The following TMIGD1 variants were observed in gnomAD, a reference collection of about 807,000 sequenced individuals.
TMIGD1 encodes the protein transmembrane and immunoglobulin domain containing 1, also known as transmembrane and immunoglobulin domain-containing protein 1.
TMIGD1 carries 29 observed loss-of-function variants against 27.5 expected under a neutral mutation model. The observed-to-expected ratio is 1.05, with a 90% CI of 0.78 to 1.44. TMIGD1 has a LOEUF of 1.44. Among genes scored for constraint, TMIGD1 ranks in the 40% most tolerant of loss-of-function variants. TMIGD1 has a pLI of 0.00. For synonymous variants in TMIGD1, 109 were observed against 110.3 expected, an observed-to-expected ratio of 0.99 and a Z score of 0.07; for missense variants, 334 against 310.6, an observed-to-expected ratio of 1.08 and a Z score of -0.57.
In TMIGD1 at chr17:30,324,862, CTT is replaced by C; in HGVS notation, c.592_593del (p.Lys198ValfsTer15). 4 of 1,614,194 alleles carry C rather than the reference CTT, an allele frequency of 2.5e-6. 1 individual carries two copies. The Middle Eastern group carries it at 6.6e-4, about 266-fold the overall frequency. ...PDNGTYSCIA[K>X]SSLKTESLDF... ...CCAAGCTCTCCGTTTTCAGAGATGACTTTGCAATACAACTGTAGGTTCCGTTG... is the reference window on the plus strand; with the variant it reads ...CCAAGCTCTCCGTTTTCAGAGATGACTGCAATACAACTGTAGGTTCCGTTG... On this transcript the variant is annotated frameshift_variant, in exon 4 of 7. Coordinates refer to ENST00000328886, the MANE Select transcript of TMIGD1 (RefSeq NM_206832.3). LOFTEE classifies it high-confidence loss of function.
At chr17:30,329,626 G>A (rs1452878729) in intron 2 of TMIGD1, 97 bp from the exon 3 acceptor site, 1 of 946,862 alleles carries the variant, frequency 1.1e-6, no homozygotes, top group South Asian at 1.9e-5. Flanking sequence ...TACATCAGTA[G>A]AACAAAATAA....
At chr17:30,330,776 G>A (rs994509648) in intron 2 of TMIGD1, among the ~76,000 whole-genome samples, 3 of 151,870 alleles carry the variant, frequency 2.0e-5, no homozygotes, top group East Asian at 3.9e-4. Context: ...CCTGAATTTC[G>A]GTTTTTATTT....
At chr17:30,331,645 C>T (rs1410604696) in intron 2 of TMIGD1, among the ~76,000 whole-genome samples, 2 of 146,980 alleles carry the variant, frequency 1.4e-5, no homozygotes, top group Non-Finnish European at 3.0e-5. Flanking sequence ...AGTACAGTGA[C>T]GTAATCTCGG....
At chr17:30,322,200 T>A (rs966175319) in intron 4 of TMIGD1, among the ~76,000 whole-genome samples, 2 of 152,212 alleles carry the variant, frequency 1.3e-5, no homozygotes, top group African/African-American at 4.8e-5. Flanking sequence ...TTGCCCTCTC[T>A]TAGCTGTTTC....
intron 4 of TMIGD1, among the ~76,000 whole-genome samples, chr17:30,319,261 A>AAAAAAAAAAAAAAAAAAAAAAAATATAT: frequency 2.9e-5 from 2 of 69,046 alleles, no homozygotes; most frequent in African/African-American, 9.1e-5. Flanking sequence ...AAAAAAAAAA[A>AAAAAAAAAAAAAAAAAAAAAAAATATAT]ATATATATAT....
intron 3 of TMIGD1, among the ~76,000 whole-genome samples, 183 bp from the exon 4 acceptor site, chr17:30,325,277 C>T (rs1349549096): frequency 6.6e-6 from 1 of 152,120 alleles, no homozygotes; most frequent in Non-Finnish European, 1.5e-5. Flanking sequence ...TTCCAAATCT[C>T]ATAGAACTTT....
chr17:30,330,132 G>A (rs1348086081), intron 2 of TMIGD1, among the ~76,000 whole-genome samples: 1 of 152,084 alleles, frequency 6.6e-6, no homozygotes, highest in Non-Finnish European at 1.5e-5. Context: ...CATCTGATTA[G>A]TTGACATGAG....
intron 1 of TMIGD1, 104 bp downstream of exon 1, chr17:30,333,896 C>T (rs965845225): frequency 2.6e-5 from 4 of 151,902 alleles, no homozygotes; most frequent in Non-Finnish European, 4.4e-5. Flanking sequence ...TCTTTCCCTC[C>T]ACTCCACCGA....
rs778577580 is a variant in TMIGD1 at position 30,324,800 on chromosome 17, T to C, written c.640+16A>G. ...AGTTTTGCACTGTGCTGGGTATTAC[T>C]TAAAAAGAGCATTACCTTTAACAAT... On this transcript the variant is annotated intron_variant, in intron 4 of 6. Coordinates refer to ENST00000328886, the MANE Select transcript of TMIGD1 (RefSeq NM_206832.3). 1 of 1,612,344 alleles carries C rather than the reference T, an allele frequency of 6.2e-7. No individual in the cohort carries two copies. The highest frequency in any genetic ancestry group is 1.1e-5 in the South Asian group (1 of 91,068).
intron 5 of TMIGD1, among the ~76,000 whole-genome samples, chr17:30,318,017 G>A (rs1909475706): frequency 6.6e-6 from 1 of 151,976 alleles, no homozygotes; most frequent in Admixed American, 6.6e-5. Flanking sequence ...ACAGTGAGCT[G>A]TGATCAAGGC....
At chr17:30,332,200 C>A (rs1910003562) in intron 1 of TMIGD1, 42 bp from the exon 2 acceptor site, 2 of 1,259,152 alleles carry the variant, frequency 1.6e-6, no homozygotes, top group Non-Finnish European at 2.3e-6. Flanking sequence ...CTTTGGTCTG[C>A]AATGAGTTCG....
intron 3 of TMIGD1, among the ~76,000 whole-genome samples, chr17:30,327,045 T>TAC (rs60346282): frequency 0.19 from 28,539 of 146,448 alleles, 2,828 homozygotes; most frequent in East Asian, 0.42. Context: ...CAATTAACTA[T>TAC]ACACACACAC....
At chr17:30,332,821 A>G (rs567128520) in intron 1 of TMIGD1, among the ~76,000 whole-genome samples, 2 of 152,184 alleles carry the variant, frequency 1.3e-5, no homozygotes, top group African/African-American at 4.8e-5. Flanking sequence ...GGAAAAAAAC[A>G]TATATTCATT....
At chr17:30,328,773 T>C (rs996319435) in intron 3 of TMIGD1, among the ~76,000 whole-genome samples, 1 of 151,728 alleles carries the variant, frequency 6.6e-6, no homozygotes, top group African/African-American at 2.4e-5. Flanking sequence ...CTGGCCAACA[T>C]GGTGAACCCC....
Position 30,316,571 on chromosome 17 carries a change from T to A in TMIGD1, c.*116A>T. On this transcript the variant is annotated 3_prime_UTR_variant, in exon 7 of 7. Transcript: ENST00000328886. ...CTAACAACTACTGTTAAGTGATTAATGAAACAGGAGTGACAGGAGTGAATT... is the reference window on the plus strand; with the variant it reads ...CTAACAACTACTGTTAAGTGATTAAAGAAACAGGAGTGACAGGAGTGAATT... The A allele has an allele frequency of 9.7e-7, 1 of 1,035,048 alleles. No individual in the cohort carries two copies. Among genetic ancestry groups the A allele is most frequent in the Non-Finnish European group, 1.5e-6 (1 of 686,090 alleles). The allele number at this position is 1,035,048 out of a possible 1,614,324, so 64.1% of individuals were successfully genotyped here.
chr17:30,332,004 G>T, intron 2 of TMIGD1, 48 bp downstream of exon 2: 1 of 1,368,960 alleles, frequency 7.3e-7, no homozygotes, highest in Non-Finnish European at 1.0e-6. Context: ...TTTCTTAATC[G>T]GAAATTTTTC....
chr17:30,319,261 A>AAAAATATATATAT, intron 4 of TMIGD1, among the ~76,000 whole-genome samples: 3 of 69,068 alleles, frequency 4.3e-5, no homozygotes, highest in Admixed American at 2.9e-4. Context: ...AAAAAAAAAA[A>AAAAATATATATAT]ATATATATAT....
intron 2 of TMIGD1, 60 bp downstream of exon 2, chr17:30,331,992 C>T (rs3110095): frequency 0.47 from 582,221 of 1,229,112 alleles, 140,209 homozygotes; most frequent in African/African-American, 0.56. Context: ...CCATTGATCA[C>T]TTTTCTTAAT....
chr17:30,325,071 C>G lies in TMIGD1; in HGVS notation c.385G>C (p.Asp129His). ...VTFPPLLSGNDFQTVEEGSNV... is the reference protein window; with the variant it reads ...VTFPPLLSGNHFQTVEEGSNV... The stretch of plus-strand genomic sequence containing the variant: ...CTGCCTTCCTCAACTGTTTGGAAGT[C>G]GTTTCCACTTAGGAGAGGAGGAACT... Residue 129 changes from aspartate to histidine, a missense_variant, in exon 4 of 7, where the codon GAC becomes CAC. By Grantham distance (81) the Asp-to-His change is moderately conservative. Transcript: ENST00000328886. 1 of 1,613,292 alleles carries G rather than the reference C, an allele frequency of 6.2e-7. No homozygotes were observed. The highest frequency in any genetic ancestry group is 1.1e-5 in the South Asian group (1 of 90,940).
Sources: gnomAD v4.1 joint callset for allele counts (sites outside exome capture counted in the v4.1 genomes callset) on GRCh38, gnomAD v4.1.1 for gene constraint, MANE v1.5 for transcripts, NCBI Gene and HGNC (gene_info 2026-07-23, HGNC 2026-07-21) for gene names.